TMEM132D: variants seen among roughly 807,000 people sequenced by gnomAD.
The protein encoded by TMEM132D is mature OL transmembrane protein.
A neutral mutation model predicts 62.3 loss-of-function variants in TMEM132D; 21 were observed. That is an observed-to-expected ratio of 0.34 (90% CI 0.24 to 0.49). The LOEUF (loss-of-function observed/expected upper bound fraction) is 0.49, where lower values mean the gene tolerates loss of function less well. Among genes scored for constraint, TMEM132D ranks in the 20% least tolerant of loss-of-function variants. The pLI is 0.99. For synonymous variants in TMEM132D, 621 were observed against 575.6 expected, an observed-to-expected ratio of 1.08 and a Z score of -1.13; for missense variants, 1,346 against 1,402.8, an observed-to-expected ratio of 0.96 and a Z score of 0.65.
chr12:129,091,045 A>T (rs1443200231), intron 5 of TMEM132D, among the ~76,000 whole-genome samples: 3 of 152,232 alleles, frequency 2.0e-5, no homozygotes, highest in African/African-American at 7.2e-5. Context: ...GCTTTATGAA[A>T]GGGAAGAAAA....
Position 129,605,047 on chromosome 12 carries a change from AAAGT to A in TMEM132D, c.969-73846_969-73843del, listed in dbSNP as rs1878577885. Among the ~76,000 whole-genome samples, 7 of 152,340 alleles carry A rather than the reference AAAGT, an allele frequency of 4.6e-5. No homozygotes were observed. In the South Asian group the frequency reaches 1.0e-3, roughly 23 times the overall value. ...CCTGTTCATTGTATAGATATGCATA[AAAGT>A]AAGTCACTTACCCTTAAAAATATAC... On this transcript the variant is annotated intron_variant, in intron 2 of 8. Transcript: ENST00000422113.
intron 1 of TMEM132D, among the ~76,000 whole-genome samples, chr12:129,729,656 T>C (rs1248482832): frequency 1.3e-5 from 2 of 152,358 alleles, no homozygotes; most frequent in Admixed American, 1.3e-4. Context: ...AATGCTTATC[T>C]TTCTACTGGC....
chr12:129,449,560 G>A (rs1873206049), intron 3 of TMEM132D, among the ~76,000 whole-genome samples: 1 of 152,086 alleles, frequency 6.6e-6, no homozygotes, highest in South Asian at 2.1e-4. Context: ...ATGGGTACAC[G>A]GAGTCTCTGC....
At chr12:129,295,759 A>G (rs1482980788) in intron 4 of TMEM132D, among the ~76,000 whole-genome samples, 1 of 152,176 alleles carries the variant, frequency 6.6e-6, no homozygotes, top group Non-Finnish European at 1.5e-5. Context: ...TAATATTTGC[A>G]TATAACCTTT....
At chr12:129,439,072 C>T (rs904919828) in intron 3 of TMEM132D, among the ~76,000 whole-genome samples, 1 of 152,214 alleles carries the variant, frequency 6.6e-6, no homozygotes, top group Non-Finnish European at 1.5e-5. Context: ...ACAAGATGTA[C>T]ACTTTCCTTG....
intron 1 of TMEM132D, among the ~76,000 whole-genome samples, chr12:129,894,838 C>T (rs1205722221): frequency 6.6e-6 from 1 of 152,100 alleles, no homozygotes; most frequent in Non-Finnish European, 1.5e-5. Context: ...GTGTTCCTCT[C>T]AAACTCCTCT....
intron 5 of TMEM132D, among the ~76,000 whole-genome samples, chr12:129,140,754 G>A (rs1033133397): frequency 1.3e-5 from 2 of 151,598 alleles, no homozygotes; most frequent in Admixed American, 6.6e-5. Flanking sequence ...CAGGAGAATC[G>A]CTTGAACGCT....
chr12:129,252,545 G>A (rs1429555030), intron 4 of TMEM132D, among the ~76,000 whole-genome samples: 1 of 152,146 alleles, frequency 6.6e-6, no homozygotes, highest in African/African-American at 2.4e-5. Context: ...GGAAACAACA[G>A]GTGCTGAGAG....
intron 2 of TMEM132D, among the ~76,000 whole-genome samples, chr12:129,627,047 G>A (rs992421096): frequency 6.6e-6 from 1 of 152,162 alleles, no homozygotes; most frequent in Admixed American, 6.5e-5. Flanking sequence ...TAGTGATTGT[G>A]ACTAGTGTGA....
At chr12:129,525,695 G>A (rs779792785) in intron 3 of TMEM132D, among the ~76,000 whole-genome samples, 5 of 152,184 alleles carry the variant, frequency 3.3e-5, no homozygotes, top group African/African-American at 4.8e-5. Context: ...AGAGGAAGTT[G>A]CTTTTCCTCT....
intron 5 of TMEM132D, among the ~76,000 whole-genome samples, chr12:129,181,328 C>G (rs1028358722): frequency 9.2e-5 from 14 of 152,302 alleles, no homozygotes; most frequent in African/African-American, 3.1e-4. Flanking sequence ...AAACACACCT[C>G]CTTCTCTCCA....
chr12:129,771,695 C>T (rs1226349165), intron 1 of TMEM132D, among the ~76,000 whole-genome samples: 1 of 152,226 alleles, frequency 6.6e-6, no homozygotes, highest in Non-Finnish European at 1.5e-5. Flanking sequence ...TGGCATCTGA[C>T]AGCCATTTTT....
intron 1 of TMEM132D, among the ~76,000 whole-genome samples, chr12:129,783,538 G>A (rs1013460366): frequency 3.9e-5 from 6 of 152,254 alleles, no homozygotes; most frequent in East Asian, 1.9e-4. Flanking sequence ...TATTCCAGGC[G>A]TACTTGTTTT....
chr12:129,346,981 C>T (rs916226234), intron 3 of TMEM132D, among the ~76,000 whole-genome samples: 1 of 152,034 alleles, frequency 6.6e-6, no homozygotes, highest in African/African-American at 2.4e-5. Context: ...AATACAATAC[C>T]TAGGAATACA....
intron 1 of TMEM132D, among the ~76,000 whole-genome samples, chr12:129,895,463 C>G (rs1221643628): frequency 6.6e-6 from 1 of 152,218 alleles, no homozygotes; most frequent in Non-Finnish European, 1.5e-5. Context: ...GATATCTTGT[C>G]TCCTGTGGTC....
chr12:129,219,974 A>G (rs1009780228), intron 4 of TMEM132D, among the ~76,000 whole-genome samples: 2 of 152,124 alleles, frequency 1.3e-5, no homozygotes, highest in Non-Finnish European at 2.9e-5. Flanking sequence ...AACTTCTTGA[A>G]TTGCTAATAT....
chr12:129,140,214 C>CCACACA (rs58179230), intron 5 of TMEM132D, among the ~76,000 whole-genome samples: 7,038 of 148,374 alleles, frequency 0.047, 248 homozygotes, highest in East Asian at 0.12. Flanking sequence ...GGCGCTGTTA[C>CCACACA]CACACACACA....
At chr12:129,795,083 T>C (rs908353909) in intron 1 of TMEM132D, among the ~76,000 whole-genome samples, 56 of 152,338 alleles carry the variant, frequency 3.7e-4, no homozygotes, top group African/African-American at 1.2e-3. Flanking sequence ...GACTATTTCA[T>C]AGTGTTCTTC....
intron 1 of TMEM132D, among the ~76,000 whole-genome samples, chr12:129,720,920 G>C (rs1361288588): frequency 6.6e-6 from 1 of 152,196 alleles, no homozygotes; most frequent in Non-Finnish European, 1.5e-5. Flanking sequence ...GAGGTAGAAA[G>C]GTATTCTACA....
Sources: allele counts gnomAD v4.1 joint callset (sites outside exome capture counted in the v4.1 genomes callset), GRCh38; gene constraint gnomAD v4.1.1; transcripts MANE v1.5; gene names NCBI Gene and HGNC (gene_info 2026-07-23, HGNC 2026-07-21).